The following NR2F2 variants were observed in gnomAD, a reference collection of about 807,000 sequenced individuals.
The protein encoded by NR2F2 is nuclear receptor subfamily 2 group F member 2.
Under a neutral mutation model 34.8 loss-of-function variants are expected in NR2F2, and 2 were observed. That is an observed-to-expected ratio of 0.06 (90% CI 0.02 to 0.18). NR2F2 has a LOEUF of 0.18. NR2F2 is among the 10% of genes least tolerant of loss of function. The pLI, the probability that NR2F2 is intolerant of heterozygous loss-of-function variation, is 1.00. For synonymous variants in NR2F2, 274 were observed against 251.8 expected, an observed-to-expected ratio of 1.09 and a Z score of -0.84; for missense variants, 300 against 580.1, an observed-to-expected ratio of 0.52 and a Z score of 4.96.
chr15:96,334,655 G>T, intron 2 of NR2F2, 52 bp downstream of exon 2: 1 of 1,530,460 alleles, frequency 6.5e-7, no homozygotes, highest in South Asian at 1.3e-5. Flanking sequence ...CCCAGAGCTG[G>T]GGCCCAGAGA....
At chr15:96,337,261 CCT>C in intron 2 of NR2F2, 85 bp from the exon 3 acceptor site, 1 of 1,439,404 alleles carries the variant, frequency 6.9e-7, no homozygotes. Context: ...CCAATTCAAA[CCT>C]CTTAATCTGA....
rs755839593 is a variant in NR2F2, at chr15:96,332,336, C to A, written c.231C>A (p.Ile77=). The A allele has an allele frequency of 6.2e-7, 1 of 1,604,566 alleles. No individual in the cohort carries two copies. The highest frequency in any genetic ancestry group is 8.5e-7 in the Non-Finnish European group (1 of 1,175,562). Residue 77 remains isoleucine (I), a synonymous_variant, in exon 1 of 3, where the codon ATC becomes ATA. Coordinates refer to ENST00000394166, the MANE Select transcript of NR2F2 (RefSeq NM_021005.4). ...GSDKQQQQQH[I]ECVVCGDKSS... ...ACAAGCAGCAGCAGCAGCAACACAT[C>A]GAGTGCGTGGTGTGCGGAGACAAGT... is the stretch of plus-strand genomic sequence containing the variant.
upstream of NR2F2, among the ~76,000 whole-genome samples, chr15:96,326,678 C>T (rs1303656716): frequency 3.9e-5 from 6 of 152,178 alleles, no homozygotes; most frequent in African/African-American, 1.4e-4. The surrounding 1 kb of genome is among the most constrained non-coding windows in gnomAD (Gnocchi z 5.5). Context: ...TCCTCAAACT[C>T]ATTTCCTTCC....
At chr15:96,336,617 A>G (rs1179065649) in intron 2 of NR2F2, among the ~76,000 whole-genome samples, 1 of 151,638 alleles carries the variant, frequency 6.6e-6, no homozygotes, top group African/African-American at 2.4e-5. Flanking sequence ...TGTTTTCCTG[A>G]AGATAACAGG....
Position 96,339,858 on chromosome 15 carries a change from G to C in NR2F2, c.*2236G>C, listed in dbSNP as rs978172965. ...ATGTTGTGGTTTAATTCTAATTGGTGGGGGGGGGGGAGGACTAGTGAGGGA... is the reference window on the plus strand; with the variant it reads ...ATGTTGTGGTTTAATTCTAATTGGTCGGGGGGGGGGAGGACTAGTGAGGGA... On this transcript the variant is annotated 3_prime_UTR_variant, in exon 3 of 3. Coordinates refer to ENST00000394166, the MANE Select transcript of NR2F2 (RefSeq NM_021005.4). 1.0e-5 allele frequency: 1 copy of C among 98,000 alleles called. No homozygotes were observed. The highest frequency in any genetic ancestry group is 2.3e-4 in the East Asian group (1 of 4,398). The allele number at this position is 98,000 out of a possible 1,614,324, so 6.1% of individuals were successfully genotyped here. A position where few individuals can be genotyped will look rare whatever the true frequency, so the allele number is the denominator to read the frequency against.
chr15:96,335,414 A>G (rs1899295845), intron 2 of NR2F2, among the ~76,000 whole-genome samples: 1 of 152,232 alleles, frequency 6.6e-6, no homozygotes, highest in Non-Finnish European at 1.5e-5. Context: ...TAGAGCTGAT[A>G]CTAATTAACT....
At position 96,330,821 on chromosome 15, in the gene NR2F2, C is replaced by G; in HGVS notation, c.-1285C>G. The G allele has an allele frequency of 8.9e-7, 1 of 1,123,760 alleles. No individual in the cohort carries two copies. The highest frequency in any genetic ancestry group is 4.5e-5 in the South Asian group (1 of 22,160). 69.6% of individuals were successfully genotyped at this position (1,123,760 alleles called of 1,614,324 possible). ...TCTCTCCGCGGTGTGTGTGTGCGTGCGCGCGTGTGTGTTTTCTTCTTCTCC... is the reference window on the plus strand; with the variant it reads ...TCTCTCCGCGGTGTGTGTGTGCGTGGGCGCGTGTGTGTTTTCTTCTTCTCC... On this transcript the variant is annotated 5_prime_UTR_variant, in exon 1 of 3. Coordinates refer to ENST00000394166, the MANE Select transcript of NR2F2 (RefSeq NM_021005.4).
At position 96,334,733 on chromosome 15, in the gene NR2F2, G is replaced by T. The variant is rs1899269842; in HGVS notation, c.970+130G>T. On this transcript the variant is annotated intron_variant, in intron 2 of 2. Transcript: ENST00000394166. ...GCCAAACTGTTGAGTGCAACTTAAA[G>T]TGGGAACTTTTTATAGCTGCTGGGC... 19 of 1,015,446 alleles carry T rather than the reference G, an allele frequency of 1.9e-5. 1 individual carries two copies. The South Asian group carries it at 3.3e-4, about 17-fold the overall frequency. The allele number at this position is 1,015,446 out of a possible 1,614,324, so 62.9% of individuals were successfully genotyped here.
chr15:96,326,365 A>G (rs1256523006), upstream of NR2F2: 5 of 1,610,170 alleles, frequency 3.1e-6, no homozygotes, highest in African/African-American at 6.7e-5. This position sits in a 1 kb window ranked among gnomAD's most constrained non-coding sequence, Gnocchi z 5.5. Flanking sequence ...ATGTTTACTT[A>G]CAGTATTTTT....
chr15:96,332,703 A>C, intron 1 of NR2F2, 156 bp downstream of exon 1: 1 of 1,417,776 alleles, frequency 7.1e-7, no homozygotes, highest in South Asian at 1.6e-5. Flanking sequence ...CTGCATTGGA[A>C]CCCAGACCCC....
intron 1 of NR2F2, 79 bp downstream of exon 1, chr15:96,332,626 G>C: frequency 6.5e-7 from 1 of 1,546,232 alleles, no homozygotes; most frequent in Admixed American, 1.9e-5. Context: ...CTCTGGGTAA[G>C]GACAAGAAGC....
chr15:96,336,487 G>A (rs892376122), intron 2 of NR2F2, among the ~76,000 whole-genome samples: 18 of 152,186 alleles, frequency 1.2e-4, no homozygotes, highest in African/African-American at 4.1e-4. Context: ...ATATGCATAT[G>A]TTAACCCCAG....
At chr15:96,334,015 C>T in intron 1 of NR2F2, 61 bp from the exon 2 acceptor site, 1 of 1,563,900 alleles carries the variant, frequency 6.4e-7, no homozygotes, top group Non-Finnish European at 8.7e-7. Flanking sequence ...CAGACCCCGC[C>T]GGGGAACCTG....
chr15:96,330,416 C>T (rs1020426771), upstream of NR2F2, among the ~76,000 whole-genome samples: 1 of 147,740 alleles, frequency 6.8e-6, no homozygotes, highest in African/African-American at 2.4e-5. Flanking sequence ...GCGGCGGCGG[C>T]GGCGGCGCGG....
Position 96,331,266 on chromosome 15 carries a change from CCGGACGCCCGGGGCAGGCGGCGGCGG to C in NR2F2, c.-836_-811del. The C allele has an allele frequency of 1.0e-6, 1 of 998,248 alleles. No homozygotes were observed. Among genetic ancestry groups the C allele is most frequent in the Non-Finnish European group, 1.2e-6 (1 of 840,158 alleles). 61.8% of individuals were successfully genotyped at this position (998,248 alleles called of 1,614,324 possible). On this transcript the variant is annotated 5_prime_UTR_variant, in exon 1 of 3. Coordinates refer to ENST00000394166, the MANE Select transcript of NR2F2 (RefSeq NM_021005.4). ...GCGGCCGGAGAGAGCGAGGCGCGCG[CCGGACGCCCGGGGCAGGCGGCGGCGG>C]CGGCGGCCCAGCGCCAGGACGACGC...
Position 96,337,567 on chromosome 15 carries a change from G to A in NR2F2, c.1190G>A (p.Arg397Gln). The change falls in exon 3 of 3, where the codon CGG (arginine) becomes CAG (glutamine). Residue 397 changes from arginine (R) to glutamine (Q), a missense_variant. This residue lies in a region of NR2F2 where 164 missense variants were observed against 365.3 expected (regional missense o/e 0.45). Transcript: ENST00000394166. ...VGKTPIETLI[R>Q]DMLLSGSSFN... Reference sequence around the variant, plus strand: ...AAAACCCCCATCGAAACCCTCATCCGGGATATGTTACTGTCCGGCAGCAGT... The same window carrying A: ...AAAACCCCCATCGAAACCCTCATCCAGGATATGTTACTGTCCGGCAGCAGT... 1 of 1,614,024 alleles carries A rather than the reference G, an allele frequency of 6.2e-7. No homozygotes were observed. Among genetic ancestry groups the A allele is most frequent in the Non-Finnish European group, 8.5e-7 (1 of 1,180,014 alleles).
chr15:96,326,279 T>G (rs761017148), upstream of NR2F2: 1 of 1,602,224 alleles, frequency 6.2e-7, no homozygotes, highest in East Asian at 2.2e-5. The surrounding 1 kb of genome is among the most constrained non-coding windows in gnomAD (Gnocchi z 5.5). Flanking sequence ...CCCGCCAAAC[T>G]AAAGGAGAGT....
upstream of NR2F2, chr15:96,327,091 A>G (rs1899013686): frequency 6.6e-6 from 1 of 151,850 alleles, no homozygotes; most frequent in South Asian, 2.1e-4. Context: ...GCGGTTCCTC[A>G]TTTTTAAAAA....
At chr15:96,329,177 G>A (rs936813114), upstream of NR2F2, among the ~76,000 whole-genome samples, 1 of 151,708 alleles carries the variant, frequency 6.6e-6, no homozygotes, top group Non-Finnish European at 1.5e-5. Context: ...ACCGGCATGA[G>A]GTTTTTTCTT....
Sources: allele counts gnomAD v4.1 joint callset (sites outside exome capture counted in the v4.1 genomes callset), GRCh38; gene constraint gnomAD v4.1.1; regional missense constraint gnomAD v4.1.1; non-coding constraint Gnocchi (gnomAD v3.1); transcripts MANE v1.5; gene names NCBI Gene and HGNC (gene_info 2026-07-23, HGNC 2026-07-21).